RBAK: variants seen among roughly 807,000 people sequenced by gnomAD.
The protein encoded by RBAK is RB associated KRAB zinc finger.
A neutral mutation model predicts 65.8 loss-of-function variants in RBAK; 39 were observed. The observed-to-expected ratio is 0.59, with a 90% confidence interval of 0.46 to 0.77. The LOEUF (loss-of-function observed/expected upper bound fraction) is 0.77. Ranked by LOEUF, RBAK falls within the 30% of genes least tolerant of loss-of-function variation. The probability of loss-of-function intolerance (pLI) is 0.00; values close to 1 mark genes in which losing one functional copy is unlikely to be tolerated. For synonymous variants in RBAK, 343 were observed against 289.7 expected (o/e 1.18, Z -1.87); for missense variants, 884 against 855.1 (o/e 1.03, Z -0.42).
intron 1 of RBAK, among the ~76,000 whole-genome samples, chr7:5,047,175 G>C (rs151212332): frequency 6.6e-6 from 1 of 152,314 alleles, no homozygotes; most frequent in East Asian, 1.9e-4. Flanking sequence ...TAAGGCAAGA[G>C]TATCCCTTGA....
chr7:5,059,143 G>A (rs777000935), intron 4 of RBAK, among the ~76,000 whole-genome samples: 7 of 152,150 alleles, frequency 4.6e-5, no homozygotes, highest in Non-Finnish European at 7.3e-5. Context: ...CTGGCAGAGC[G>A]TCAGCACATT....
At position 5,057,200 on chromosome 7, in the gene RBAK, A is replaced by G; in HGVS notation, c.16-95A>G. The G allele has an allele frequency of 6.3e-6, 10 of 1,591,266 alleles. No individual in the cohort carries two copies. The South Asian group carries it at 1.1e-4, about 18-fold the overall frequency. ...ATCTGTAACATAAAATAAGGTATAC[A>G]ATGTTTATGGTTAACTTTACCGGTG... On this transcript the variant is annotated intron_variant, in intron 2 of 4. Transcript: ENST00000396912.
intron 2 of RBAK, among the ~76,000 whole-genome samples, chr7:5,054,319 C>A (rs559717376): frequency 6.6e-6 from 1 of 151,236 alleles, no homozygotes; most frequent in African/African-American, 2.4e-5. Flanking sequence ...GCAGGAGAAT[C>A]GCTGGAACCC....
In RBAK at chr7:5,066,416, C is replaced by G. The variant is rs1310881514; in HGVS notation, c.*815C>G. The G allele has an allele frequency of 6.6e-6, 1 of 151,280 alleles. No homozygotes were observed. The highest frequency in any genetic ancestry group is 1.5e-5 in the Non-Finnish European group (1 of 67,814). 9.4% of individuals were successfully genotyped at this position (151,280 alleles called of 1,614,324 possible). A position where few individuals can be genotyped will look rare whatever the true frequency, so the allele number is the denominator to read the frequency against. ...TAAAAGACTATTTTGATAAACTATA[C>G]ATACATAATTTGGAATTGTTTAAGT... On this transcript the variant is annotated 3_prime_UTR_variant, in exon 5 of 5. Transcript: ENST00000396912.
chr7:5,065,801 G>A lies in RBAK; in HGVS notation c.*200G>A, dbSNP rs189697402. 4.0e-5 allele frequency: 16 copies of A among 395,308 alleles called. No individual in the cohort carries two copies. The highest frequency in any genetic ancestry group is 1.9e-4 in the African/African-American group (9 of 48,504). 24.5% of individuals were successfully genotyped at this position (395,308 alleles called of 1,614,324 possible). ...AGCAAAGCCTTCAGCAAGATCATAC[G>A]ACTCATCGGACACTAATTTATATAG... On this transcript the variant is annotated 3_prime_UTR_variant, in exon 5 of 5. Coordinates refer to ENST00000396912, the MANE Select transcript of RBAK (RefSeq NM_021163.4). This position sits in a 1 kb window ranked among gnomAD's most constrained non-coding sequence, Gnocchi z 5.3.
At position 5,065,494 on chromosome 7, in the gene RBAK, G is replaced by A; in HGVS notation, c.2038G>A (p.Glu680Lys). ...YRTHSGEKPY[E>K]CNECGKKFHH... is the part of the protein sequence containing the mutation. ...AACTCATTCAGGAGAGAAACCCTATGAATGTAACGAGTGTGGGAAAAAATT... is the reference window on the plus strand; with the variant it reads ...AACTCATTCAGGAGAGAAACCCTATAAATGTAACGAGTGTGGGAAAAAATT... Residue 680 changes from glutamate (E) to lysine (K), a missense_variant, in exon 5 of 5, where the codon GAA becomes AAA. Transcript: ENST00000396912. This position sits in a 1 kb window ranked among gnomAD's most constrained non-coding sequence, Gnocchi z 5.3. The A allele has an allele frequency of 6.2e-7, 1 of 1,605,506 alleles. No individual in the cohort carries two copies. Among genetic ancestry groups the A allele is most frequent in the Non-Finnish European group, 8.5e-7 (1 of 1,174,038 alleles).
At chr7:5,056,715 T>C (rs1011883858) in intron 2 of RBAK, among the ~76,000 whole-genome samples, 1 of 152,090 alleles carries the variant, frequency 6.6e-6, no homozygotes, top group Non-Finnish European at 1.5e-5. Context: ...GCCATGCAGA[T>C]AGCCAGAGGC....
In RBAK at chr7:5,046,299, G is replaced by T; in HGVS notation, c.-142G>T. ...GGAGCAGAACAACCTTAGTGAGGTG[G>T]ACAGGAGGGGACCTCGCGAGCAGAC... On this transcript the variant is annotated 5_prime_UTR_variant, in exon 1 of 5. Coordinates refer to ENST00000396912, the MANE Select transcript of RBAK (RefSeq NM_021163.4). The T allele has an allele frequency of 1.9e-6, 1 of 516,488 alleles. No homozygotes were observed. Among genetic ancestry groups the T allele is most frequent in the Non-Finnish European group, 3.9e-6 (1 of 259,546 alleles). 32.0% of individuals were successfully genotyped at this position (516,488 alleles called of 1,614,324 possible).
chr7:5,047,216 A>G (rs963585260), intron 1 of RBAK, among the ~76,000 whole-genome samples: 2 of 152,292 alleles, frequency 1.3e-5, no homozygotes, highest in Admixed American at 6.5e-5. Context: ...CCTAGGCAAC[A>G]TAGGGAGACC....
intron 4 of RBAK, among the ~76,000 whole-genome samples, chr7:5,061,597 T>A (rs1393976308): frequency 6.6e-6 from 1 of 151,162 alleles, no homozygotes; most frequent in Non-Finnish European, 1.5e-5. Flanking sequence ...GGCATGATCT[T>A]GTTTTTAAGA....
Position 5,068,160 on chromosome 7 carries a change from C to G in RBAK, c.*2559C>G, listed in dbSNP as rs1779267139. 6.6e-6 allele frequency: 1 copy of G among 151,970 alleles called. No individual in the cohort carries two copies. The highest frequency in any genetic ancestry group is 1.5e-5 in the Non-Finnish European group (1 of 68,036). 9.4% of individuals were successfully genotyped at this position (151,970 alleles called of 1,614,324 possible). ...CGAGTATAGCAGAAGTGTTGGCAAA[C>G]TTTATAAAGCAAGGCACCAGATGGT... is the stretch of plus-strand genomic sequence containing the variant. On this transcript the variant is annotated 3_prime_UTR_variant, in exon 5 of 5. Transcript: ENST00000396912.
Position 5,064,907 on chromosome 7 carries a change from C to G in RBAK, c.1451C>G (p.Ser484Cys). ...CGGAAAGTACACACAGAAGAGAAAT[C>G]CCATGAATGTAGTGAATGTGGAAAG... Reference protein sequence around the residue: ...RHRKVHTEEKSHECSECGKFS... With the variant: ...RHRKVHTEEKCHECSECGKFS... Residue 484 changes from serine to cysteine, a missense_variant, in exon 5 of 5, where the codon TCC (serine) becomes TGC (cysteine). By Grantham distance (112) the Ser-to-Cys change is moderately radical. Transcript: ENST00000396912. This position sits in a 1 kb window ranked among gnomAD's most constrained non-coding sequence, Gnocchi z 6.3. 2 of 1,613,904 alleles carry G rather than the reference C, an allele frequency of 1.2e-6. No individual in the cohort carries two copies. Among genetic ancestry groups the G allele is most frequent in the African/African-American group, 1.3e-5 (1 of 74,970 alleles).
intron 1 of RBAK, among the ~76,000 whole-genome samples, chr7:5,047,275 T>C (rs1788009600): frequency 6.6e-6 from 1 of 152,088 alleles, no homozygotes; most frequent in African/African-American, 2.4e-5. Flanking sequence ...GGGATGCACC[T>C]GTGGTCCCAG....
Position 5,048,429 on chromosome 7 carries a change from C to T in RBAK, c.15+338C>T, listed in dbSNP as rs1441004985. On this transcript the variant is annotated intron_variant, in intron 2 of 4. Transcript: ENST00000396912. This position sits in a 1 kb window ranked among gnomAD's most constrained non-coding sequence, Gnocchi z 4.4. Reference sequence around the variant, plus strand: ...CCTCAGGTGATCCTCCTGCCTCAGCCTCCCAAAGTGCTGGGATTACAGGCA... The same window carrying T: ...CCTCAGGTGATCCTCCTGCCTCAGCTTCCCAAAGTGCTGGGATTACAGGCA... Among the ~76,000 whole-genome samples the T allele has an allele frequency of 6.6e-6, 1 of 152,224 alleles. No individual in the cohort carries two copies. Among genetic ancestry groups the T allele is most frequent in the African/African-American group, 2.4e-5 (1 of 41,450 alleles).
chr7:5,068,264 A>G lies in RBAK; in HGVS notation c.*2663A>G, dbSNP rs1204542213. ...CCATACACCATGCATTAAAAAAAAA[A>G]TGAGCATGGCTGCTTCCCAGTAAAA... On this transcript the variant is annotated 3_prime_UTR_variant, in exon 5 of 5. Transcript: ENST00000396912. 1 of 152,178 alleles carries G rather than the reference A, an allele frequency of 6.6e-6. No individual in the cohort carries two copies. Among genetic ancestry groups the G allele is most frequent in the African/African-American group, 2.4e-5 (1 of 41,448 alleles). 9.4% of individuals were successfully genotyped at this position (152,178 alleles called of 1,614,324 possible).
rs149739845 is a variant in RBAK at position 5,064,954 on chromosome 7, G to A, written c.1498G>A (p.Asp500Asn). 1,503 of 1,613,808 alleles carry A rather than the reference G, an allele frequency of 9.3e-4. 7 individuals carry two copies. Among genetic ancestry groups the A allele is most frequent in the Middle Eastern group, 5.3e-3 (32 of 6,062 alleles). ...CGKFSQLYLT[D>N]HHTAHLEEKP... is the part of the protein sequence containing the mutation. ...AAAGTTCTCTCAGTTGTATCTCACC[G>A]ACCATCATACAGCTCATTTAGAAGA... The change falls in exon 5 of 5, where the codon GAC becomes AAC. Residue 500 changes from aspartate (D) to asparagine (N), a missense_variant. Asp to Asn is a conservative substitution (Grantham distance 23, BLOSUM62 1). Coordinates refer to ENST00000396912, the MANE Select transcript of RBAK (RefSeq NM_021163.4). This position sits in a 1 kb window ranked among gnomAD's most constrained non-coding sequence, Gnocchi z 6.3.
chr7:5,054,078 G>A (rs768812755), intron 2 of RBAK, among the ~76,000 whole-genome samples: 2 of 152,112 alleles, frequency 1.3e-5, no homozygotes, highest in Non-Finnish European at 2.9e-5. Context: ...ATCACTCATA[G>A]ATAACTCTAC....
intron 4 of RBAK, among the ~76,000 whole-genome samples, chr7:5,061,436 G>GT (rs1654271170): frequency 7.3e-6 from 1 of 137,794 alleles, no homozygotes; most frequent in African/African-American, 2.7e-5. Context: ...TGGGTTTTTT[G>GT]TTTTGTTTTT....
rs771791446 is a variant in RBAK, at chr7:5,063,782, C to T, written c.326C>T (p.Thr109Ile). The T allele has an allele frequency of 6.2e-7, 1 of 1,613,874 alleles. No individual in the cohort carries two copies. The highest frequency in any genetic ancestry group is 8.5e-7 in the Non-Finnish European group (1 of 1,179,930). Residue 109 changes from threonine to isoleucine, a missense_variant, in exon 5 of 5, where the codon ACC becomes ATC. Coordinates refer to ENST00000396912, the MANE Select transcript of RBAK (RefSeq NM_021163.4). ...CAAGCTGCTTGTATCAATAGCAAAACCCTGACTGAAGAGAAAGAGAATACA... is the reference window on the plus strand; with the variant it reads ...CAAGCTGCTTGTATCAATAGCAAAATCCTGACTGAAGAGAAAGAGAATACA... Reference protein sequence around the residue: ...SRQAACINSKTLTEEKENTFS... With the variant: ...SRQAACINSKILTEEKENTFS...
Sources: gnomAD v4.1 joint callset for allele counts (sites outside exome capture counted in the v4.1 genomes callset) on GRCh38, gnomAD v4.1.1 for gene constraint, Gnocchi (gnomAD v3.1) non-coding constraint, MANE v1.5 for transcripts, NCBI Gene and HGNC (gene_info 2026-07-23, HGNC 2026-07-21) for gene names.